Variants in MYL12B observed in about 807,000 individuals in gnomAD.
MYL12B encodes myosin light chain 12B.
Under a neutral mutation model 12.9 loss-of-function variants are expected in MYL12B, and 3 were observed. The ratio of observed to expected loss-of-function variants is 0.23; its 90% CI spans 0.11 to 0.60. The LOEUF is 0.60. Among genes scored for constraint, MYL12B ranks in the 20% least tolerant of loss-of-function variants. The pLI is 0.89. For missense variants in MYL12B, 120 were observed against 215.4 expected, an observed-to-expected ratio of 0.56 and a Z score of 2.77; for synonymous variants, 57 against 71.9, an observed-to-expected ratio of 0.79 and a Z score of 1.05.
intron 1 of MYL12B, among the ~76,000 whole-genome samples, chr18:3,268,217 CTTA>C (rs1024967235): frequency 3.9e-5 from 6 of 152,094 alleles, no homozygotes; most frequent in African/African-American, 1.4e-4. Context: ...CTGAGTACTA[CTTA>C]TATCCTGTAG....
chr18:3,266,193 C>T (rs896316973), intron 1 of MYL12B, among the ~76,000 whole-genome samples: 4 of 152,152 alleles, frequency 2.6e-5, no homozygotes, highest in South Asian at 2.1e-4. Context: ...CATGGGGAGG[C>T]TGCAGTCGTC....
At chr18:3,269,191 T>C (rs1371911851) in intron 1 of MYL12B, among the ~76,000 whole-genome samples, 1 of 152,162 alleles carries the variant, frequency 6.6e-6, no homozygotes, top group Non-Finnish European at 1.5e-5. Flanking sequence ...CTTGGTACTT[T>C]ATCCTTTAGA....
At chr18:3,265,095 G>A (rs1421674818) in intron 1 of MYL12B, among the ~76,000 whole-genome samples, 1 of 152,110 alleles carries the variant, frequency 6.6e-6, no homozygotes, top group African/African-American at 2.4e-5. Flanking sequence ...TACATATAGA[G>A]TACTAGGGGA....
chr18:3,276,083 T>C (rs35212757), intron 2 of MYL12B, among the ~76,000 whole-genome samples: 144,735 of 151,958 alleles, frequency 0.95, 69,001 homozygotes, highest in Non-Finnish European at 0.98. Context: ...TATGAATATC[T>C]GACTAATAGA....
At chr18:3,276,840 C>T in intron 2 of MYL12B, 1 of 777,622 alleles carries the variant, frequency 1.3e-6, no homozygotes, top group Non-Finnish European at 1.6e-6. Flanking sequence ...AGTTCAAGAC[C>T]AGCCTGGGCA....
intron 1 of MYL12B, chr18:3,262,704 T>C (rs2081603156): frequency 6.6e-6 from 1 of 152,320 alleles, no homozygotes; most frequent in Admixed American, 6.5e-5. Flanking sequence ...CCCAACACTA[T>C]CCTAGATGCT....
At chr18:3,266,941 A>AT (rs1308361478) in intron 1 of MYL12B, among the ~76,000 whole-genome samples, 2 of 152,238 alleles carry the variant, frequency 1.3e-5, no homozygotes, top group Non-Finnish European at 2.9e-5. Context: ...CAACTTGTGA[A>AT]TGATAGAACT....
Position 3,273,476 on chromosome 18 carries a change from G to A in MYL12B, c.184+394G>A, listed in dbSNP as rs190432993. ...ATGATGGTTATCTCTGGGAAGGAGG[G>A]GCAGTGCGACTGGAAAAGGGAACAC... On this transcript the variant is annotated intron_variant, in intron 2 of 3. Coordinates refer to ENST00000237500, the MANE Select transcript of MYL12B (RefSeq NM_033546.4). Among the ~76,000 whole-genome samples, 338 of 152,166 alleles carry A rather than the reference G, an allele frequency of 2.2e-3. 1 individual carries two copies. Among genetic ancestry groups the A allele is most frequent in the African/African-American group, 7.8e-3 (325 of 41,488 alleles).
At position 3,277,416 on chromosome 18, in the gene MYL12B, T is replaced by C. The variant is rs2081741896; in HGVS notation, c.346+2T>C. On this transcript the variant is annotated splice_donor_variant, in intron 3 of 3. Transcript: ENST00000237500. LOFTEE classifies it high-confidence loss of function. ...CTTGCTTTGATGAAGAAGCAACAGGTGAGTGCTATTTGTTTATGCCCAGCC... is the reference window on the plus strand; with the variant it reads ...CTTGCTTTGATGAAGAAGCAACAGGCGAGTGCTATTTGTTTATGCCCAGCC... The C allele has an allele frequency of 7.4e-6, 12 of 1,613,764 alleles. No individual in the cohort carries two copies. Among genetic ancestry groups the C allele is most frequent in the Non-Finnish European group, 9.3e-6 (11 of 1,179,928 alleles).
intron 1 of MYL12B, among the ~76,000 whole-genome samples, chr18:3,265,812 G>C (rs1598805676): frequency 6.6e-6 from 1 of 152,166 alleles, no homozygotes; most frequent in Non-Finnish European, 1.5e-5. Context: ...TCAGCCAAAA[G>C]AATAGGATGG....
intron 1 of MYL12B, among the ~76,000 whole-genome samples, chr18:3,271,544 T>G (rs1247481607): frequency 6.6e-6 from 1 of 152,148 alleles, no homozygotes; most frequent in Non-Finnish European, 1.5e-5. Flanking sequence ...TGCAGGAAGT[T>G]ACGGAAACAG....
At chr18:3,277,741 T>C (rs2081745777) in intron 3 of MYL12B, 24 bp from the exon 4 acceptor site, 1 of 1,596,264 alleles carries the variant, frequency 6.3e-7, no homozygotes, top group African/African-American at 1.4e-5. Flanking sequence ...TGATGACTGC[T>C]TTCTTCTTTC....
intron 1 of MYL12B, among the ~76,000 whole-genome samples, chr18:3,269,500 G>A (rs1391528085): frequency 6.6e-6 from 1 of 152,130 alleles, no homozygotes; most frequent in Non-Finnish European, 1.5e-5. Context: ...TAGATGATTG[G>A]AAACAAAGAT....
At chr18:3,275,137 A>G (rs1446707109) in intron 2 of MYL12B, among the ~76,000 whole-genome samples, 2 of 151,878 alleles carry the variant, frequency 1.3e-5, no homozygotes, top group African/African-American at 2.4e-5. Flanking sequence ...CTGTTCGACC[A>G]TAAAAAATGA....
At chr18:3,278,460 T>TTG (rs36020830) in exon 4 of MYL12B, among the ~76,000 whole-genome samples, 1 of 152,008 alleles carries the variant, frequency 6.6e-6, no homozygotes. Context: ...ATGCCATTGT[T>TTG]TTTCACGCTT....
Position 3,277,827 on chromosome 18 carries a change from G to C in MYL12B, c.409G>C (p.Glu137Gln), listed in dbSNP as rs2081746651. The C allele has an allele frequency of 6.2e-7, 1 of 1,614,058 alleles. No homozygotes were observed. Among genetic ancestry groups the C allele is most frequent in the Non-Finnish European group, 8.5e-7 (1 of 1,179,996 alleles). Reference protein sequence around the residue: ...LTTMGDRFTDEEVDELYREAP... With the variant: ...LTTMGDRFTDQEVDELYREAP... ...AACCATGGGGGATCGGTTTACAGAT[G>C]AGGAAGTGGATGAGCTGTACAGAGA... Residue 137 changes from glutamate to glutamine, a missense_variant, in exon 4 of 4, where the codon GAG becomes CAG. Coordinates refer to ENST00000237500, the MANE Select transcript of MYL12B (RefSeq NM_033546.4).
chr18:3,270,994 A>C (rs1285589475), intron 1 of MYL12B, among the ~76,000 whole-genome samples: 3 of 152,152 alleles, frequency 2.0e-5, no homozygotes, highest in African/African-American at 7.2e-5. Context: ...AAAAATAAAT[A>C]TTTAACTCTT....
At chr18:3,268,986 A>G (rs1216059217) in intron 1 of MYL12B, among the ~76,000 whole-genome samples, 2 of 152,198 alleles carry the variant, frequency 1.3e-5, no homozygotes, top group African/African-American at 4.8e-5. Context: ...AAGGCAGAGA[A>G]GTAGATCAGG....
chr18:3,276,867 T>A (rs1252311648), intron 2 of MYL12B: 1 of 891,908 alleles, frequency 1.1e-6, no homozygotes, highest in Non-Finnish European at 1.3e-6. Flanking sequence ...TGAAACCCAG[T>A]CTTTACAAAA....
Sources: allele counts gnomAD v4.1 joint callset (sites outside exome capture counted in the v4.1 genomes callset), GRCh38; gene constraint gnomAD v4.1.1; transcripts MANE v1.5; gene names NCBI Gene and HGNC (gene_info 2026-07-23, HGNC 2026-07-21).